Variants in SRGAP2B observed in about 807,000 individuals in gnomAD.
SRGAP2B encodes SLIT-ROBO Rho GTPase-activating protein 2B.
Under a neutral mutation model 22.2 loss-of-function variants are expected in SRGAP2B, and 9 were observed. The ratio of observed to expected loss-of-function variants is 0.41; its 90% CI spans 0.24 to 0.71. The LOEUF is 0.71. SRGAP2B is among the 30% of genes least tolerant of loss of function. SRGAP2B has a pLI of 0.35. For synonymous variants in SRGAP2B, 36 were observed against 87.4 expected, an observed-to-expected ratio of 0.41 and a Z score of 3.28; for missense variants, 114 against 235.8, an observed-to-expected ratio of 0.48 and a Z score of 3.38.
intron 2 of SRGAP2B, among the ~76,000 whole-genome samples, chr1:144,995,886 A>T (rs1258826621): frequency 1.3e-5 from 2 of 151,124 alleles, no homozygotes; most frequent in Non-Finnish European, 2.9e-5. Flanking sequence ...AGTTTCCAAC[A>T]TCACAGAATG....
At chr1:145,000,643 C>G (rs7547126) in intron 2 of SRGAP2B, among the ~76,000 whole-genome samples, 1 of 148,336 alleles carries the variant, frequency 6.7e-6, no homozygotes, top group Non-Finnish European at 1.5e-5. Flanking sequence ...CTATTGCTTT[C>G]AATCCAGAGA....
In SRGAP2B at chr1:144,984,365, C is replaced by CAACA. The variant is rs1491147391; in HGVS notation, c.260+10642_260+10643insTGTT. Among the ~76,000 whole-genome samples the CAACA allele has an allele frequency of 7.7e-3, 967 of 126,364 alleles. 12 individuals carry two copies. The highest frequency in any genetic ancestry group is 0.017 in the Middle Eastern group (4 of 236). The allele number at this position is 126,364 out of a possible 152,430, so 82.9% of individuals were successfully genotyped here. A position where few individuals can be genotyped will look rare whatever the true frequency, so the allele number is the denominator to read the frequency against. Reference sequence around the variant, plus strand: ...ACAACAACAACAACAACAACAACAACAAAAAAAAAAAAACAAAAAAGCCCC... The same window carrying CAACA: ...ACAACAACAACAACAACAACAACAACAACAAAAAAAAAAAAAACAAAAAAGCCCC... On this transcript the variant is annotated intron_variant, in intron 3 of 9. Coordinates refer to ENST00000612199, the Ensembl canonical transcript of SRGAP2B.
At chr1:145,011,867 A>G (rs1442234547) in intron 2 of SRGAP2B, among the ~76,000 whole-genome samples, 1 of 150,396 alleles carries the variant, frequency 6.6e-6, no homozygotes, top group African/African-American at 2.5e-5. Flanking sequence ...CCAGTGGAGA[A>G]AAGCTAACGG....
At chr1:144,941,523 CA>C (rs1453589985) in intron 4 of SRGAP2B, among the ~76,000 whole-genome samples, 1 of 148,660 alleles carries the variant, frequency 6.7e-6, no homozygotes, top group African/African-American at 2.5e-5. Flanking sequence ...GAAAACAAAA[CA>C]AAAAACCCCA....
intron 3 of SRGAP2B, among the ~76,000 whole-genome samples, chr1:144,987,994 AAAAC>A (rs1192479263): frequency 2.0e-5 from 3 of 150,756 alleles, no homozygotes; most frequent in African/African-American, 2.5e-5. Context: ...TAATGGTGGA[AAAAC>A]AAACAGAACT....
At position 145,013,007 on chromosome 1, in the gene SRGAP2B, C is replaced by T. The variant is rs1383781334; in HGVS notation, c.68-17807G>A. Among the ~76,000 whole-genome samples the T allele has an allele frequency of 4.0e-5, 6 of 150,468 alleles. 1 individual carries two copies. The highest frequency in any genetic ancestry group is 1.2e-4 in the African/African-American group (5 of 40,072). On this transcript the variant is annotated intron_variant, in intron 2 of 9. Transcript: ENST00000612199. ...CCAAGCCATGAGAACTGCTTGAGCC[C>T]ACAAGGCAAAGATTGCACTGAGCCG...
intron 4 of SRGAP2B, among the ~76,000 whole-genome samples, chr1:144,927,592 G>T: frequency 7.2e-6 from 1 of 138,922 alleles, no homozygotes. Flanking sequence ...CTCCTGTTTG[G>T]GGCTCATAAT....
chr1:144,985,633 G>A, intron 3 of SRGAP2B, among the ~76,000 whole-genome samples: 1 of 150,570 alleles, frequency 6.6e-6, no homozygotes, highest in East Asian at 1.9e-4. Context: ...TGCTCTTCAA[G>A]GAGCCAAAGA....
At chr1:145,090,853 ACAT>A (rs1365665478) in intron 2 of SRGAP2B, among the ~76,000 whole-genome samples, 1 of 96,524 alleles carries the variant, frequency 1.0e-5, no homozygotes, top group Non-Finnish European at 2.0e-5. Flanking sequence ...TCGGAGTAAG[ACAT>A]CATGCTCAGC....
intron 4 of SRGAP2B, among the ~76,000 whole-genome samples, chr1:144,940,781 A>G (rs1177185025): frequency 1.4e-5 from 2 of 146,774 alleles, no homozygotes; most frequent in Non-Finnish European, 3.0e-5. Context: ...CCAGCCTGAA[A>G]AAAAGAAACT....
chr1:144,912,144 G>T (rs1663473019), intron 5 of SRGAP2B, among the ~76,000 whole-genome samples: 1 of 147,190 alleles, frequency 6.8e-6, no homozygotes, highest in Non-Finnish European at 1.5e-5. Context: ...AGTAGAGACA[G>T]GGTTTCACCG....
intron 2 of SRGAP2B, among the ~76,000 whole-genome samples, chr1:145,089,114 G>C (rs1466867356): frequency 6.6e-6 from 1 of 151,272 alleles, no homozygotes; most frequent in Non-Finnish European, 1.5e-5. Context: ...AGGGACTTGA[G>C]CATCTGCAGA....
intron 5 of SRGAP2B, among the ~76,000 whole-genome samples, chr1:144,909,782 T>A (rs1663282165): frequency 1.3e-5 from 2 of 150,218 alleles, no homozygotes. Flanking sequence ...TTTGAGATGG[T>A]CTAGGCCTCT....
rs1553618156 is a variant in SRGAP2B, at chr1:144,994,936, C to T, written c.260+72G>A. The T allele has an allele frequency of 1.1e-5, 8 of 757,694 alleles. 1 individual carries two copies. Among genetic ancestry groups the T allele is most frequent in the Admixed American group, 1.0e-4 (3 of 29,578 alleles). 46.9% of individuals were successfully genotyped at this position (757,694 alleles called of 1,614,324 possible). On this transcript the variant is annotated intron_variant, in intron 3 of 9. Transcript: ENST00000612199. ...CCTGAATTCAGCTGGATCTAAGTGG[C>T]ATACCCTGCCCCCCTCCACCCTGGA...
intron 2 of SRGAP2B, among the ~76,000 whole-genome samples, chr1:145,063,203 T>G (rs1651107103): frequency 9.1e-6 from 1 of 109,580 alleles, no homozygotes; most frequent in Non-Finnish European, 1.8e-5. Flanking sequence ...GACTTCTAAT[T>G]AAAATCCCTC....
exon 10 of SRGAP2B, chr1:144,892,269 G>T: frequency 1.3e-6 from 1 of 777,098 alleles, no homozygotes; most frequent in South Asian, 1.3e-5. Context: ...AGAGACCGTG[G>T]ACTTGACGGA....
rs1286087817 is a variant in SRGAP2B at position 145,031,705 on chromosome 1, G to A, written c.68-36505C>T. Among the ~76,000 whole-genome samples the A allele has an allele frequency of 1.2e-4, 17 of 144,964 alleles. 3 individuals are homozygous for A. The highest frequency in any genetic ancestry group is 4.3e-4 in the South Asian group (2 of 4,644). On this transcript the variant is annotated intron_variant, in intron 2 of 9. Transcript: ENST00000612199. ...TACTAAAAATACAAAAAATTAGCCC[G>A]GAGTGGTGGTGGGCGCCTGTAGTCC...
At chr1:144,999,870 T>A (rs1671004650) in intron 2 of SRGAP2B, among the ~76,000 whole-genome samples, 1 of 144,462 alleles carries the variant, frequency 6.9e-6, no homozygotes, top group Non-Finnish European at 1.5e-5. Context: ...AAGATAGTGA[T>A]GATTGTTGCT....
Position 145,045,327 on chromosome 1 carries a change from GAGAA to G in SRGAP2B, c.67+47504_67+47507del, listed in dbSNP as rs1394719542. The stretch of plus-strand genomic sequence containing the variant: ...AAAAAAAAAAAAGAAAGAAAGAAAA[GAGAA>G]AGAAAGAGAGAGAGAGTGAAGGAAG... On this transcript the variant is annotated intron_variant, in intron 2 of 9. Transcript: ENST00000612199. 8.9e-4 allele frequency among the ~76,000 whole-genome samples: 128 copies of G among 143,082 alleles called. 2 individuals are homozygous for G. The highest frequency in any genetic ancestry group is 3.2e-3 in the African/African-American group (117 of 36,974). The allele number at this position is 143,082 out of a possible 152,430, so 93.9% of individuals were successfully genotyped here.
Sources: allele counts gnomAD v4.1 joint callset (sites outside exome capture counted in the v4.1 genomes callset), GRCh38; gene constraint gnomAD v4.1.1; transcripts MANE v1.5; gene names NCBI Gene and HGNC (gene_info 2026-07-23, HGNC 2026-07-21).